Variants in ZNF445 observed in about 807,000 individuals in gnomAD.
ZNF445 encodes zinc finger protein 445.
ZNF445 carries 19 observed loss-of-function variants against 93.9 expected under a neutral mutation model. That is an observed-to-expected ratio of 0.20 (90% CI 0.14 to 0.30). The LOEUF (loss-of-function observed/expected upper bound fraction) is 0.30. ZNF445 is among the 10% of genes least tolerant of loss of function. ZNF445 has a pLI of 1.00. For synonymous variants in ZNF445, 449 were observed against 446.3 expected, an observed-to-expected ratio of 1.01 and a Z score of -0.08; for missense variants, 1,058 against 1,259.4, an observed-to-expected ratio of 0.84 and a Z score of 2.42.
intron 1 of ZNF445, among the ~76,000 whole-genome samples, chr3:44,466,158 T>A (rs1043399459): frequency 1.3e-5 from 2 of 152,208 alleles, no homozygotes; most frequent in African/African-American, 4.8e-5. Flanking sequence ...GTCTCCTCTA[T>A]CAGAGTAAAG....
At position 44,441,494 on chromosome 3, in the gene ZNF445, A is replaced by C. The variant is rs979476221; in HGVS notation, c.*5081T>G. On this transcript the variant is annotated 3_prime_UTR_variant, in exon 8 of 8. Coordinates refer to ENST00000396077, the MANE Select transcript of ZNF445 (RefSeq NM_181489.6). ...CCTTATTTTACCCAGTTCCCTATTC[A>C]AGATGGAGTCACTCTGGTTCAAACG... is the stretch of plus-strand genomic sequence containing the variant. The C allele has an allele frequency of 1.3e-5, 2 of 152,148 alleles. No homozygotes were observed. Among genetic ancestry groups the C allele is most frequent in the African/African-American group, 4.8e-5 (2 of 41,430 alleles). 9.4% of individuals were successfully genotyped at this position (152,148 alleles called of 1,614,324 possible).
At chr3:44,468,709 A>G (rs943881800) in intron 1 of ZNF445, among the ~76,000 whole-genome samples, 2 of 143,902 alleles carry the variant, frequency 1.4e-5, no homozygotes, top group African/African-American at 5.2e-5. Context: ...TCAGCACAAG[A>G]CGACAGCTGT....
chr3:44,453,274 T>C (rs1246962282), intron 3 of ZNF445, among the ~76,000 whole-genome samples: 1 of 151,850 alleles, frequency 6.6e-6, no homozygotes, highest in Admixed American at 6.6e-5. Flanking sequence ...TGTATGAAAG[T>C]GTATGTCTAT....
chr3:44,448,329 G>C lies in ZNF445; in HGVS notation c.1342C>G (p.Gln448Glu), dbSNP rs1697908235. 6.2e-7 allele frequency: 1 copy of C among 1,614,146 alleles called. No homozygotes were observed. Among genetic ancestry groups the C allele is most frequent in the South Asian group, 1.1e-5 (1 of 91,078 alleles). ...CCTTTCAGTCCACTATGAATTCTCT[G>C]ATGTAGGCTGAAGCCCCCAATCATG... is the stretch of plus-strand genomic sequence containing the variant. The part of the protein sequence containing the change: ...RHMIGGFSLH[Q>E]RIHSGLKGNK... The change falls in exon 8 of 8, where the codon CAG (glutamine) becomes GAG (glutamate). Residue 448 changes from glutamine (Q) to glutamate (E), a missense_variant. This residue lies in a region of ZNF445 where 657 missense variants were observed against 746.4 expected (regional missense o/e 0.88). Coordinates refer to ENST00000396077, the MANE Select transcript of ZNF445 (RefSeq NM_181489.6).
intron 1 of ZNF445, among the ~76,000 whole-genome samples, chr3:44,474,454 C>A (rs760981262): frequency 6.6e-6 from 1 of 152,012 alleles, no homozygotes; most frequent in South Asian, 2.1e-4. Context: ...GCGGAGGTTG[C>A]GGTGAGCCGA....
chr3:44,449,988 T>C (rs567467088), intron 6 of ZNF445: 18 of 297,500 alleles, frequency 6.1e-5, no homozygotes, highest in African/African-American at 3.9e-4. Flanking sequence ...TTACCCAAGC[T>C]GGAGTGCAGT....
intron 2 of ZNF445, among the ~76,000 whole-genome samples, chr3:44,457,337 T>C: frequency 6.6e-6 from 1 of 152,038 alleles, no homozygotes; most frequent in South Asian, 2.1e-4. Context: ...AGTGGTGTGA[T>C]CATGGCTCAC....
At chr3:44,452,666 T>C (rs547506283) in intron 3 of ZNF445, among the ~76,000 whole-genome samples, 1 of 152,366 alleles carries the variant, frequency 6.6e-6, no homozygotes, top group East Asian at 1.9e-4. Flanking sequence ...GTAACTACTG[T>C]GTACCTCATT....
intron 3 of ZNF445, among the ~76,000 whole-genome samples, chr3:44,453,978 C>T (rs960647664): frequency 6.6e-6 from 1 of 152,032 alleles, no homozygotes; most frequent in Non-Finnish European, 1.5e-5. Context: ...GACCATCTTC[C>T]CTGCCTCCCA....
intron 2 of ZNF445, among the ~76,000 whole-genome samples, chr3:44,456,956 C>G (rs1486250482): frequency 2.0e-5 from 3 of 152,098 alleles, no homozygotes; most frequent in Non-Finnish European, 4.4e-5. Context: ...GGCAAAACTC[C>G]AGGTCTACAA....
At chr3:44,473,180 G>T (rs1383173602) in intron 1 of ZNF445, among the ~76,000 whole-genome samples, 1 of 152,072 alleles carries the variant, frequency 6.6e-6, no homozygotes, top group Middle Eastern at 3.2e-3. Context: ...AATGCAGGCC[G>T]GGCGCAGTGG....
intron 6 of ZNF445, 66 bp from the exon 7 acceptor site, chr3:44,449,689 C>G (rs116284191): frequency 1.4e-5 from 19 of 1,343,494 alleles, no homozygotes; most frequent in Non-Finnish European, 1.8e-5. Flanking sequence ...TTCAGGACCT[C>G]TGGGCCTGAA....
At position 44,461,858 on chromosome 3, in the gene ZNF445, G is replaced by A. The variant is rs142955828; in HGVS notation, c.-268-3494C>T. On this transcript the variant is annotated intron_variant, in intron 1 of 7. Transcript: ENST00000396077. The stretch of plus-strand genomic sequence containing the variant: ...AAAGAGTGACTTTCTCTTGTAAAGC[G>A]GCTTGAACCCCACAGCTATGGCGCA... Among the ~76,000 whole-genome samples, 133 of 152,156 alleles carry A rather than the reference G, an allele frequency of 8.7e-4. 2 individuals carry two copies. Among genetic ancestry groups the A allele is most frequent in the African/African-American group, 3.1e-3 (127 of 41,508 alleles).
chr3:44,454,567 C>T (rs1698001307), intron 3 of ZNF445, among the ~76,000 whole-genome samples: 1 of 152,230 alleles, frequency 6.6e-6, no homozygotes, highest in Non-Finnish European at 1.5e-5. Context: ...CCCCAAGTAG[C>T]TGGGACTACA....
intron 3 of ZNF445, among the ~76,000 whole-genome samples, chr3:44,452,895 T>C (rs1181277002): frequency 6.6e-6 from 1 of 151,276 alleles, no homozygotes; most frequent in African/African-American, 2.4e-5. Flanking sequence ...GGGACAAGTA[T>C]GTCAAATTTG....
rs889987773 is a variant in ZNF445, at chr3:44,445,399, C to G, written c.*1176G>C. 6.6e-6 allele frequency: 1 copy of G among 152,340 alleles called. No homozygotes were observed. The highest frequency in any genetic ancestry group is 1.5e-5 in the Non-Finnish European group (1 of 68,162). The allele number at this position is 152,340 out of a possible 1,614,324, so 9.4% of individuals were successfully genotyped here. On this transcript the variant is annotated 3_prime_UTR_variant, in exon 8 of 8. Transcript: ENST00000396077. ...AGATTCAAACCACATCACTCCTCAA[C>G]TCAAAATTGTCCAAAAGCTCCCTGC...
chr3:44,476,691 CA>C (rs1273348232), intron 1 of ZNF445, among the ~76,000 whole-genome samples: 2 of 152,204 alleles, frequency 1.3e-5, no homozygotes, highest in Non-Finnish European at 2.9e-5. Context: ...TAGGCCTGTG[CA>C]AGTCAGAGTG....
chr3:44,464,087 T>C (rs924673958), intron 1 of ZNF445, among the ~76,000 whole-genome samples: 16 of 151,954 alleles, frequency 1.1e-4, no homozygotes, highest in South Asian at 2.1e-4. Context: ...CATCGTACCA[T>C]TGCACTGCAG....
At chr3:44,463,147 C>T (rs1698143165) in intron 1 of ZNF445, among the ~76,000 whole-genome samples, 1 of 152,102 alleles carries the variant, frequency 6.6e-6, no homozygotes, top group African/African-American at 2.4e-5. Context: ...AGAGATTCTT[C>T]TGCCTCAGCC....
Sources: allele counts gnomAD v4.1 joint callset (sites outside exome capture counted in the v4.1 genomes callset), GRCh38; gene constraint gnomAD v4.1.1; regional missense constraint gnomAD v4.1.1; transcripts MANE v1.5; gene names NCBI Gene and HGNC (gene_info 2026-07-23, HGNC 2026-07-21).